The following TRPM3 variants were observed in gnomAD, a reference collection of about 807,000 sequenced individuals.
TRPM3 encodes long transient receptor potential channel 3.
TRPM3 carries 77 observed loss-of-function variants against 181.2 expected under a neutral mutation model. The observed-to-expected ratio is 0.42, with a 90% CI of 0.35 to 0.51. The LOEUF (loss-of-function observed/expected upper bound fraction) is 0.51, where lower values mean the gene tolerates loss of function less well. Among genes scored for constraint, TRPM3 ranks in the 20% least tolerant of loss-of-function variants. TRPM3 has a pLI of 0.01. For missense variants in TRPM3, 1,759 were observed against 2,196.7 expected, an observed-to-expected ratio of 0.80 and a Z score of 3.98; for synonymous variants, 745 against 796.4, an observed-to-expected ratio of 0.94 and a Z score of 1.09.
chr9:70,575,109 ATT>A (rs55876205), intron 22 of TRPM3, among the ~76,000 whole-genome samples: 180 of 134,336 alleles, frequency 1.3e-3, no homozygotes, highest in Middle Eastern at 3.8e-3. Context: ...ATCCCGCATA[ATT>A]TTTTTTTTTT....
At chr9:70,831,841 G>T (rs1260832219) in intron 5 of TRPM3, among the ~76,000 whole-genome samples, 1 of 150,630 alleles carries the variant, frequency 6.6e-6, no homozygotes, top group Non-Finnish European at 1.5e-5. Flanking sequence ...ATAACTTAAA[G>T]AATGTAACTG....
chr9:71,043,650 A>C, intron 1 of TRPM3, among the ~76,000 whole-genome samples: 1 of 152,210 alleles, frequency 6.6e-6, no homozygotes, highest in African/African-American at 2.4e-5. Flanking sequence ...AATGATTTCC[A>C]AAATTTGCGC....
At chr9:70,998,350 G>A (rs139845855) in intron 1 of TRPM3, among the ~76,000 whole-genome samples, 192 of 151,038 alleles carry the variant, frequency 1.3e-3, no homozygotes, top group Non-Finnish European at 2.2e-3. Context: ...AAGTAAAAAT[G>A]TTACTTTCTA....
At chr9:70,552,419 A>G (rs933427217) in intron 24 of TRPM3, among the ~76,000 whole-genome samples, 1 of 152,192 alleles carries the variant, frequency 6.6e-6, no homozygotes, top group African/African-American at 2.4e-5. Flanking sequence ...ACAACCCCTA[A>G]GGTTTAGGAA....
At chr9:71,265,228 C>G (rs1317838886) in intron 1 of TRPM3, among the ~76,000 whole-genome samples, 1 of 152,072 alleles carries the variant, frequency 6.6e-6, no homozygotes, top group African/African-American at 2.4e-5. Flanking sequence ...TTTTAAATGG[C>G]AAGAAGTTTA....
chr9:71,422,076 T>C (rs2093786022), intron 1 of TRPM3, among the ~76,000 whole-genome samples: 1 of 151,996 alleles, frequency 6.6e-6, no homozygotes, highest in Admixed American at 6.6e-5. Context: ...CCTGAATATA[T>C]GAAATATACA....
chr9:71,401,235 G>A (rs545674142), intron 1 of TRPM3, among the ~76,000 whole-genome samples: 245 of 148,368 alleles, frequency 1.7e-3, no homozygotes, highest in Middle Eastern at 7.1e-3. Flanking sequence ...CATATGGCTA[G>A]TAACCTCTGC....
At chr9:70,770,697 G>A (rs2080069475) in intron 7 of TRPM3, among the ~76,000 whole-genome samples, 1 of 152,152 alleles carries the variant, frequency 6.6e-6, no homozygotes, top group Admixed American at 6.6e-5. Context: ...TGTTAAATAA[G>A]GGTAGTATAT....
chr9:70,875,111 G>C (rs940275704), intron 1 of TRPM3, among the ~76,000 whole-genome samples: 52 of 151,804 alleles, frequency 3.4e-4, no homozygotes, highest in African/African-American at 1.1e-3. Flanking sequence ...TCCATTCAAA[G>C]CAATAGTAAG....
intron 10 of TRPM3, 50 bp from the exon 11 acceptor site, chr9:70,639,244 G>A (rs1048616884): frequency 1.2e-6 from 2 of 1,601,452 alleles, no homozygotes; most frequent in East Asian, 2.2e-5. Context: ...ATCTATGGAT[G>A]CAGTTCTTTA....
At chr9:71,347,033 G>A (rs377519690) in intron 1 of TRPM3, among the ~76,000 whole-genome samples, 1 of 152,134 alleles carries the variant, frequency 6.6e-6, no homozygotes, top group African/African-American at 2.4e-5. Context: ...AAAAGGGGAG[G>A]GAGCTTCCCA....
intron 1 of TRPM3, among the ~76,000 whole-genome samples, chr9:70,884,195 A>G (rs1328589492): frequency 1.3e-5 from 2 of 151,858 alleles, no homozygotes; most frequent in Admixed American, 6.6e-5. Flanking sequence ...CCAAAAGTAA[A>G]CTCCTCAAGT....
chr9:71,072,134 A>G (rs762797760), intron 1 of TRPM3, among the ~76,000 whole-genome samples: 25 of 152,158 alleles, frequency 1.6e-4, no homozygotes, highest in Non-Finnish European at 3.1e-4. Context: ...ATTTCTTTAT[A>G]TAGGAAAGCC....
intron 1 of TRPM3, among the ~76,000 whole-genome samples, chr9:71,420,709 A>C (rs199858521): frequency 6.5e-5 from 1 of 15,490 alleles, no homozygotes; most frequent in African/African-American, 2.1e-4. Flanking sequence ...AAGAGAGAGA[A>C]AGAAAGAGAG....
At chr9:70,937,741 ACTC>A (rs1394047425) in intron 1 of TRPM3, among the ~76,000 whole-genome samples, 2 of 151,630 alleles carry the variant, frequency 1.3e-5, no homozygotes, top group East Asian at 1.9e-4. Flanking sequence ...GTGGACTTGA[ACTC>A]CTTTTTCAAA....
intron 1 of TRPM3, among the ~76,000 whole-genome samples, chr9:70,955,941 G>A (rs1195631984): frequency 2.6e-5 from 4 of 152,134 alleles, no homozygotes; most frequent in Non-Finnish European, 5.9e-5. Context: ...ATAATAATGA[G>A]AGTGACAGGA....
chr9:70,893,873 C>G (rs940521252), intron 1 of TRPM3, among the ~76,000 whole-genome samples: 2 of 152,160 alleles, frequency 1.3e-5, no homozygotes, highest in African/African-American at 4.8e-5. Flanking sequence ...TTATGCAAAA[C>G]ATTCTAAGCC....
chr9:71,027,664 T>C (rs1322023810), intron 1 of TRPM3, among the ~76,000 whole-genome samples: 1 of 152,142 alleles, frequency 6.6e-6, no homozygotes, highest in Non-Finnish European at 1.5e-5. Context: ...CATTTCATAA[T>C]GCAATTGCAA....
intron 9 of TRPM3, among the ~76,000 whole-genome samples, chr9:70,662,289 G>A (rs555218529): frequency 6.6e-6 from 1 of 152,166 alleles, no homozygotes; most frequent in South Asian, 2.1e-4. Context: ...GAATCAAAGA[G>A]TTAAATCTAA....
Sources: gnomAD v4.1 joint callset for allele counts (sites outside exome capture counted in the v4.1 genomes callset) on GRCh38, gnomAD v4.1.1 for gene constraint, MANE v1.5 for transcripts, NCBI Gene and HGNC (gene_info 2026-07-23, HGNC 2026-07-21) for gene names.